The following NUGGC variants were observed in gnomAD, a reference collection of about 807,000 sequenced individuals.
NUGGC encodes nuclear GTPase, germinal center associated.
A neutral mutation model predicts 92.6 loss-of-function variants in NUGGC; 58 were observed. The ratio of observed to expected loss-of-function variants is 0.63; its 90% CI spans 0.51 to 0.78. The LOEUF is 0.78. NUGGC is among the 30% of genes least tolerant of loss of function. The probability of loss-of-function intolerance (pLI) is 0.00; values close to 1 mark genes in which losing one functional copy is unlikely to be tolerated. For missense variants in NUGGC, 925 were observed against 964.6 expected, an observed-to-expected ratio of 0.96 and a Z score of 0.54; for synonymous variants, 376 against 366.4, an observed-to-expected ratio of 1.03 and a Z score of -0.30.
intron 17 of NUGGC, among the ~76,000 whole-genome samples, chr8:28,027,703 A>G (rs1394968666): frequency 1.3e-5 from 2 of 152,154 alleles, no homozygotes; most frequent in African/African-American, 4.8e-5. Context: ...CTAGATCAAG[A>G]GCCCTAAGCA....
At chr8:28,032,217 G>T (rs1809433812) in intron 14 of NUGGC, among the ~76,000 whole-genome samples, 1 of 152,150 alleles carries the variant, frequency 6.6e-6, no homozygotes, top group Non-Finnish European at 1.5e-5. Context: ...CAGGGCGGGG[G>T]TGCAATCGAT....
intron 18 of NUGGC, 85 bp downstream of exon 18, chr8:28,026,877 T>G (rs1809276511): frequency 1.1e-6 from 1 of 946,700 alleles, no homozygotes; most frequent in East Asian, 2.4e-5. Flanking sequence ...AATTTAAAGT[T>G]TAATACCTTT....
At chr8:28,033,433 T>C in intron 14 of NUGGC, 107 bp downstream of exon 14, 1 of 1,095,060 alleles carries the variant, frequency 9.1e-7, no homozygotes, top group Non-Finnish European at 1.3e-6. Context: ...CTTCTCCAGT[T>C]ACAAGCTACT....
intron 13 of NUGGC, among the ~76,000 whole-genome samples, chr8:28,035,429 G>C (rs572215571): frequency 2.1e-4 from 32 of 152,284 alleles, no homozygotes; most frequent in Non-Finnish European, 4.6e-4. Context: ...GTGGCTGGGG[G>C]CATAGTCATC....
chr8:28,080,678 A>G (rs1470882402), intron 1 of NUGGC, among the ~76,000 whole-genome samples: 1 of 152,188 alleles, frequency 6.6e-6, no homozygotes, highest in Non-Finnish European at 1.5e-5. Flanking sequence ...ATATAGATAT[A>G]TATCTTAGAT....
chr8:28,036,969 C>T (rs1809569343), intron 13 of NUGGC, among the ~76,000 whole-genome samples: 1 of 152,214 alleles, frequency 6.6e-6, no homozygotes, highest in Non-Finnish European at 1.5e-5. Flanking sequence ...GAGGATCACC[C>T]ACATGAGCTT....
chr8:28,069,472 G>T, intron 4 of NUGGC, 72 bp downstream of exon 4: 1 of 738,730 alleles, frequency 1.4e-6, no homozygotes, highest in South Asian at 1.8e-5. Context: ...TTCCTTGTTG[G>T]GGGAAAGCAC....
At chr8:28,047,985 G>C (rs751425356) in intron 10 of NUGGC, among the ~76,000 whole-genome samples, 10 of 152,182 alleles carry the variant, frequency 6.6e-5, no homozygotes, top group African/African-American at 2.4e-4. Flanking sequence ...CAGCCAGCTC[G>C]TACCAGCTCC....
At chr8:28,026,935 C>T (rs987591029) in intron 18 of NUGGC, 27 bp downstream of exon 18, 1 of 1,479,648 alleles carries the variant, frequency 6.8e-7, no homozygotes, top group Non-Finnish European at 9.5e-7. Context: ...CACAATCACC[C>T]TGTATACAAA....
chr8:28,060,343 T>C (rs1193777799), intron 8 of NUGGC, 83 bp downstream of exon 8: 2 of 1,350,012 alleles, frequency 1.5e-6, no homozygotes. Context: ...CGTTACAAAG[T>C]CAAGCTCCAT....
chr8:28,080,640 A>G (rs1275482709), intron 1 of NUGGC, among the ~76,000 whole-genome samples: 2 of 152,242 alleles, frequency 1.3e-5, no homozygotes, highest in East Asian at 1.9e-4. Context: ...TTTTGTATCT[A>G]TATCTAGATA....
intron 16 of NUGGC, among the ~76,000 whole-genome samples, chr8:28,029,989 A>G (rs1330472223): frequency 6.6e-6 from 1 of 152,196 alleles, no homozygotes; most frequent in East Asian, 1.9e-4. Context: ...TGAGTTCACA[A>G]GTGAGTGAGT....
intron 14 of NUGGC, among the ~76,000 whole-genome samples, chr8:28,031,723 C>T (rs1184629727): frequency 6.6e-6 from 1 of 152,192 alleles, no homozygotes; most frequent in African/African-American, 2.4e-5. Flanking sequence ...AATGTGTGTC[C>T]ACTTGAAAGG....
At chr8:28,045,478 T>A in intron 12 of NUGGC, 49 bp downstream of exon 12, 1 of 1,552,162 alleles carries the variant, frequency 6.4e-7, no homozygotes, top group Non-Finnish European at 8.7e-7. Flanking sequence ...TAAAAGGAAA[T>A]GTCCTGCCCA....
chr8:28,033,170 A>G (rs1454816057), intron 14 of NUGGC, among the ~76,000 whole-genome samples: 1 of 152,144 alleles, frequency 6.6e-6, no homozygotes, highest in Non-Finnish European at 1.5e-5. Flanking sequence ...ATTTTTTAAA[A>G]AAAAGGAAGA....
intron 12 of NUGGC, among the ~76,000 whole-genome samples, chr8:28,041,443 T>C (rs1409989326): frequency 6.6e-6 from 1 of 152,244 alleles, no homozygotes; most frequent in African/African-American, 2.4e-5. Context: ...ATTTCATTTC[T>C]TAAAAATCAC....
At chr8:28,039,376 G>T (rs990409968) in intron 13 of NUGGC, among the ~76,000 whole-genome samples, 3 of 151,988 alleles carry the variant, frequency 2.0e-5, no homozygotes, top group Non-Finnish European at 4.4e-5. Context: ...GCGATTACAG[G>T]TGTCACCACC....
At chr8:28,052,820 T>G (rs1016582212) in intron 10 of NUGGC, among the ~76,000 whole-genome samples, 1 of 152,172 alleles carries the variant, frequency 6.6e-6, no homozygotes, top group Non-Finnish European at 1.5e-5. Context: ...ATTTAATATG[T>G]CTTTTAAAAG....
At chr8:28,077,657 A>C (rs529942588) in intron 1 of NUGGC, among the ~76,000 whole-genome samples, 1 of 152,236 alleles carries the variant, frequency 6.6e-6, no homozygotes, top group Admixed American at 6.5e-5. Flanking sequence ...AGTAACTCGT[A>C]TGAAATGCTA....
Sources: allele counts gnomAD v4.1 joint callset (sites outside exome capture counted in the v4.1 genomes callset), GRCh38; gene constraint gnomAD v4.1.1; transcripts MANE v1.5; gene names NCBI Gene and HGNC (gene_info 2026-07-23, HGNC 2026-07-21).